MAPK8: variants seen among roughly 807,000 people sequenced by gnomAD.
MAPK8 encodes the protein JUN N-terminal kinase.
Under a neutral mutation model 52.9 loss-of-function variants are expected in MAPK8, and 13 were observed. The ratio of observed to expected loss-of-function variants is 0.25; its 90% CI spans 0.16 to 0.39. The LOEUF (loss-of-function observed/expected upper bound fraction) is 0.39. MAPK8 is among the 10% of genes least tolerant of loss of function. The probability of loss-of-function intolerance (pLI) is 1.00; values close to 1 mark genes in which losing one functional copy is unlikely to be tolerated. For synonymous variants in MAPK8, 191 were observed against 169.8 expected, an observed-to-expected ratio of 1.12 and a Z score of -0.97; for missense variants, 300 against 519.2, an observed-to-expected ratio of 0.58 and a Z score of 4.10.
chr10:48,387,456 G>A (rs1037122750), intron 1 of MAPK8, among the ~76,000 whole-genome samples: 2 of 152,134 alleles, frequency 1.3e-5, no homozygotes, highest in Non-Finnish European at 2.9e-5. Flanking sequence ...GAATCATCTG[G>A]AAAGAGCTCA....
intron 1 of MAPK8, among the ~76,000 whole-genome samples, chr10:48,356,486 C>T (rs1333307533): frequency 6.6e-6 from 1 of 152,118 alleles, no homozygotes; most frequent in Non-Finnish European, 1.5e-5. Flanking sequence ...ATATCATTAA[C>T]TACATTAAAT....
intron 1 of MAPK8, among the ~76,000 whole-genome samples, chr10:48,371,015 G>A (rs1200208103): frequency 6.6e-6 from 1 of 152,052 alleles, no homozygotes; most frequent in Non-Finnish European, 1.5e-5. Context: ...AGGTTGAAAG[G>A]GTTGACCAAG....
intron 1 of MAPK8, among the ~76,000 whole-genome samples, chr10:48,371,598 G>T (rs745535777): frequency 1.5e-4 from 23 of 152,022 alleles, no homozygotes; most frequent in African/African-American, 5.6e-4. Context: ...TACTTCTGTG[G>T]CCTCTGGTCA....
At chr10:48,366,164 GA>G (rs1255081248) in intron 1 of MAPK8, among the ~76,000 whole-genome samples, 5 of 151,084 alleles carry the variant, frequency 3.3e-5, no homozygotes, top group South Asian at 2.1e-4. Flanking sequence ...AAAGGAGGTA[GA>G]TTTTTTTTAT....
intron 5 of MAPK8, among the ~76,000 whole-genome samples, chr10:48,415,624 A>G (rs2043024867): frequency 6.6e-6 from 1 of 152,190 alleles, no homozygotes; most frequent in Non-Finnish European, 1.5e-5. Flanking sequence ...TACCAGGAAA[A>G]TGCAAACATT....
chr10:48,401,872 C>A, intron 2 of MAPK8, 90 bp downstream of exon 2: 1 of 1,097,730 alleles, frequency 9.1e-7, no homozygotes, highest in Non-Finnish European at 1.2e-6. Context: ...AAATATTTAA[C>A]TTGCTTTGAA....
chr10:48,390,510 T>C (rs973491451), intron 1 of MAPK8, among the ~76,000 whole-genome samples: 9 of 152,242 alleles, frequency 5.9e-5, no homozygotes, highest in African/African-American at 2.2e-4. Context: ...CCTTGTTGTA[T>C]TACCTGAATT....
intron 1 of MAPK8, among the ~76,000 whole-genome samples, chr10:48,342,281 T>C (rs971782714): frequency 3.9e-5 from 6 of 152,148 alleles, no homozygotes; most frequent in African/African-American, 1.4e-4. Context: ...TTTTAAAATA[T>C]TTTGTAGAGA....
intron 1 of MAPK8, among the ~76,000 whole-genome samples, chr10:48,356,453 A>G (rs1162100164): frequency 1.3e-5 from 2 of 152,232 alleles, no homozygotes; most frequent in African/African-American, 2.4e-5. Flanking sequence ...GTAGAAAACA[A>G]CGTGATGGAT....
intron 1 of MAPK8, among the ~76,000 whole-genome samples, chr10:48,372,912 G>A (rs2040412820): frequency 6.6e-6 from 1 of 152,064 alleles, no homozygotes; most frequent in Admixed American, 6.6e-5. Flanking sequence ...CTCGAGAAGA[G>A]CAGCCCCAAG....
intron 1 of MAPK8, among the ~76,000 whole-genome samples, chr10:48,371,091 G>A (rs1031004663): frequency 3.3e-5 from 5 of 152,068 alleles, no homozygotes; most frequent in African/African-American, 1.2e-4. Context: ...GATTGGAAAG[G>A]TTTGAAGAGT....
intron 1 of MAPK8, among the ~76,000 whole-genome samples, chr10:48,362,984 C>A (rs901372816): frequency 3.9e-5 from 6 of 152,044 alleles, no homozygotes; most frequent in African/African-American, 1.4e-4. Flanking sequence ...CATGATCCGC[C>A]CACTTCGGCC....
At chr10:48,321,243 G>A (rs1439087445) in intron 1 of MAPK8, among the ~76,000 whole-genome samples, 5 of 151,816 alleles carry the variant, frequency 3.3e-5, no homozygotes, top group African/African-American at 1.2e-4. Flanking sequence ...GACCACAGGT[G>A]TGCCCTGCTA....
At chr10:48,319,595 T>G (rs925479135) in intron 1 of MAPK8, among the ~76,000 whole-genome samples, 9 of 152,066 alleles carry the variant, frequency 5.9e-5, no homozygotes, top group Non-Finnish European at 1.2e-4. Flanking sequence ...GTTCAAGCAA[T>G]TCTCCTGCCT....
intron 1 of MAPK8, among the ~76,000 whole-genome samples, chr10:48,348,043 T>G (rs1196449233): frequency 6.6e-6 from 1 of 152,216 alleles, no homozygotes; most frequent in Non-Finnish European, 1.5e-5. Flanking sequence ...TTTCTCCACA[T>G]CCTCTCCAGC....
intron 1 of MAPK8, among the ~76,000 whole-genome samples, chr10:48,321,344 C>T (rs1341043916): frequency 2.6e-5 from 4 of 152,008 alleles, no homozygotes; most frequent in Non-Finnish European, 4.4e-5. Flanking sequence ...CCTTGGCCTC[C>T]AAAAGTGCTG....
Position 48,338,139 on chromosome 10 carries a change from C to G in MAPK8, c.-50+31318C>G, listed in dbSNP as rs986494500. Among the ~76,000 whole-genome samples the G allele has an allele frequency of 4.7e-5, 7 of 149,492 alleles. 1 individual carries two copies. Among genetic ancestry groups the G allele is most frequent in the Admixed American group, 4.2e-4 (6 of 14,172 alleles). ...CCAATATCAAAATCTAGCAAGGACACAACAACAAAAAGAAAAACAGAAATG... is the reference window on the plus strand; with the variant it reads ...CCAATATCAAAATCTAGCAAGGACAGAACAACAAAAAGAAAAACAGAAATG... On this transcript the variant is annotated intron_variant, in intron 1 of 11. Transcript: ENST00000374189.
chr10:48,405,417 C>T (rs1245113623), intron 3 of MAPK8, among the ~76,000 whole-genome samples: 1 of 152,188 alleles, frequency 6.6e-6, no homozygotes, highest in Non-Finnish European at 1.5e-5. Flanking sequence ...CCCTACCCCA[C>T]TCCCACCTCT....
At chr10:48,338,283 A>G (rs1312685466) in intron 1 of MAPK8, among the ~76,000 whole-genome samples, 1 of 152,176 alleles carries the variant, frequency 6.6e-6, no homozygotes, top group East Asian at 1.9e-4. Context: ...TTTCCTAGAT[A>G]CAAGGATGGT....
Sources: gnomAD v4.1 joint callset for allele counts (sites outside exome capture counted in the v4.1 genomes callset) on GRCh38, gnomAD v4.1.1 for gene constraint, MANE v1.5 for transcripts, NCBI Gene and HGNC (gene_info 2026-07-23, HGNC 2026-07-21) for gene names.